The following CMC2 variants were observed in gnomAD, a reference collection of about 807,000 sequenced individuals.
CMC2 encodes COX assembly mitochondrial protein 2 homolog.
CMC2 carries 5 observed loss-of-function variants against 7.5 expected under a neutral mutation model. The ratio of observed to expected loss-of-function variants is 0.66; its 90% CI spans 0.35 to 1.40. The LOEUF (loss-of-function observed/expected upper bound fraction) is 1.40. CMC2 is among the 40% of genes most tolerant of loss of function. The pLI, the probability that CMC2 is intolerant of heterozygous loss-of-function variation, is 0.04. For missense variants in CMC2, 115 were observed against 92.3 expected (o/e 1.25, Z -1.01); for synonymous variants, 37 against 31.4 (o/e 1.18, Z -0.60).
rs945425992 is a variant in CMC2 at position 80,968,939 on chromosome 16, A to C, written c.*7154T>G. On this transcript the variant is annotated 3_prime_UTR_variant, in exon 4 of 4. Coordinates refer to ENST00000219400, the MANE Select transcript of CMC2 (RefSeq NM_020188.5). ...GTGTGAGAAACAAGAATATCACATA[A>C]AGCCAGGAGATGGTAATCCTCTAAG... 2 of 152,252 alleles carry C rather than the reference A, an allele frequency of 1.3e-5. No homozygotes were observed. Among genetic ancestry groups the C allele is most frequent in the Admixed American group, 6.5e-5 (1 of 15,288 alleles). The allele number at this position is 152,252 out of a possible 1,614,324, so 9.4% of individuals were successfully genotyped here. A position where few individuals can be genotyped will look rare whatever the true frequency, so the allele number is the denominator to read the frequency against.
At chr16:80,996,526 G>C (rs1460232767) in intron 2 of CMC2, among the ~76,000 whole-genome samples, 4 of 152,082 alleles carry the variant, frequency 2.6e-5, no homozygotes, top group African/African-American at 7.2e-5. Flanking sequence ...AACATTCTTT[G>C]AACCAGTAAA....
intron 2 of CMC2, among the ~76,000 whole-genome samples, chr16:80,986,337 GA>G (rs1334874072): frequency 6.6e-6 from 1 of 152,022 alleles, no homozygotes; most frequent in Non-Finnish European, 1.5e-5. Context: ...GCGACAGAGA[GA>G]AACTCTGCCT....
At chr16:81,001,677 G>A (rs1968879227) in intron 1 of CMC2, among the ~76,000 whole-genome samples, 1 of 151,936 alleles carries the variant, frequency 6.6e-6, no homozygotes, top group Non-Finnish European at 1.5e-5. Flanking sequence ...ACCTCAAGCT[G>A]TTAAAAAAAA....
chr16:80,977,273 C>G (rs1597208517), intron 3 of CMC2, among the ~76,000 whole-genome samples: 1 of 152,152 alleles, frequency 6.6e-6, no homozygotes, highest in African/African-American at 2.4e-5. Context: ...CAGGTTACAA[C>G]AGGAGACACA....
At chr16:81,005,520 G>C (rs975362432) in intron 1 of CMC2, among the ~76,000 whole-genome samples, 20 of 151,820 alleles carry the variant, frequency 1.3e-4, no homozygotes, top group African/African-American at 4.4e-4. Flanking sequence ...TTCAAGCTAT[G>C]AGCCATACTG....
intron 1 of CMC2, among the ~76,000 whole-genome samples, chr16:81,004,583 T>C (rs1025815543): frequency 2.0e-5 from 3 of 152,188 alleles, no homozygotes; most frequent in African/African-American, 4.8e-5. Flanking sequence ...ACCAAAACAG[T>C]CCACTGAAAT....
chr16:80,980,114 C>A (rs1475289722), intron 3 of CMC2, among the ~76,000 whole-genome samples: 1 of 151,864 alleles, frequency 6.6e-6, no homozygotes, highest in Non-Finnish European at 1.5e-5. Flanking sequence ...GAGACAGGGT[C>A]TCACTATGTT....
At chr16:80,981,311 T>C (rs906755727) in intron 3 of CMC2, among the ~76,000 whole-genome samples, 1 of 152,126 alleles carries the variant, frequency 6.6e-6, no homozygotes, top group Non-Finnish European at 1.5e-5. Flanking sequence ...TGCCCTAAAA[T>C]CAAGTTCAGG....
intron 2 of CMC2, among the ~76,000 whole-genome samples, chr16:80,989,446 C>T (rs999003689): frequency 2.0e-5 from 3 of 152,080 alleles, no homozygotes; most frequent in Admixed American, 2.0e-4. Flanking sequence ...AGTGGGAATC[C>T]CTTCAAGCTA....
At chr16:80,995,395 C>T (rs550790110) in intron 2 of CMC2, among the ~76,000 whole-genome samples, 20 of 152,236 alleles carry the variant, frequency 1.3e-4, no homozygotes, top group African/African-American at 4.6e-4. Flanking sequence ...GTGGCTCATG[C>T]CTGTAATCCC....
rs1911556025 is a variant in CMC2, at chr16:80,966,460, T to C, written c.*9633A>G. 1 of 152,208 alleles carries C rather than the reference T, an allele frequency of 6.6e-6. No individual in the cohort carries two copies. Among genetic ancestry groups the C allele is most frequent in the Non-Finnish European group, 1.5e-5 (1 of 68,022 alleles). 9.4% of individuals were successfully genotyped at this position (152,208 alleles called of 1,614,324 possible). The stretch of plus-strand genomic sequence containing the variant: ...AATGAATTCAAAGTACTATTTCCAA[T>C]TCAAATTTAATGCATGTTTTGACTT... On this transcript the variant is annotated 3_prime_UTR_variant, in exon 4 of 4. Transcript: ENST00000219400.
At chr16:80,981,615 A>C (rs946736833) in intron 3 of CMC2, among the ~76,000 whole-genome samples, 191 bp downstream of exon 3, 6 of 152,232 alleles carry the variant, frequency 3.9e-5, no homozygotes, top group Non-Finnish European at 7.3e-5. Context: ...CATGGCCAAA[A>C]AGCCATGTTC....
chr16:80,997,315 T>TAAAA lies in CMC2; in HGVS notation c.79_80insTTTT (p.Asn27IlefsTer13). 1 of 936,730 alleles carries TAAAA rather than the reference T, an allele frequency of 1.1e-6. No homozygotes were observed. The highest frequency in any genetic ancestry group is 1.6e-6 in the Non-Finnish European group (1 of 607,550). 58.0% of individuals were successfully genotyped at this position (936,730 alleles called of 1,614,324 possible). ...ACAGTCGTTTTTCTGAACTCTTACA[T>TAAAA]TTTTGTGACATTCCTTAAGCAAGTT... On this transcript the variant is annotated frameshift_variant and splice_region_variant, in exon 2 of 4. Transcript: ENST00000219400. LOFTEE classifies it high-confidence loss of function.
intron 1 of CMC2, 31 bp downstream of exon 1, chr16:81,006,703 G>C (rs921899141): frequency 1.0e-6 from 1 of 985,222 alleles, no homozygotes; most frequent in African/African-American, 1.7e-5. Context: ...AACGGAACGC[G>C]TTCGGAACGG....
At chr16:80,996,865 C>T in intron 2 of CMC2, 1 of 257,754 alleles carries the variant, frequency 3.9e-6, no homozygotes, top group South Asian at 3.8e-5. Flanking sequence ...CTAAACACAT[C>T]AGATTAAGCC....
intron 2 of CMC2, chr16:80,991,785 C>T (rs1302617056): frequency 8.4e-6 from 3 of 357,966 alleles, no homozygotes; most frequent in Non-Finnish European, 1.7e-5. Flanking sequence ...ACACATGATC[C>T]CAATCCAATT....
In CMC2 at chr16:80,982,957, T is replaced by C. The variant is rs115345666; in HGVS notation, c.82-1080A>G. 8.7e-3 allele frequency: 1,612 copies of C among 184,746 alleles called. 24 individuals are homozygous for C. The highest frequency in any genetic ancestry group is 0.035 in the African/African-American group (1,488 of 42,092). 11.4% of individuals were successfully genotyped at this position (184,746 alleles called of 1,614,324 possible). A position where few individuals can be genotyped will look rare whatever the true frequency, so the allele number is the denominator to read the frequency against. ...AAAGTAATGACATTACAGGAAAAAG[T>C]TGAACTACTTGAAATGTACTGTAGA... On this transcript the variant is annotated intron_variant, in intron 2 of 3. Coordinates refer to ENST00000219400, the MANE Select transcript of CMC2 (RefSeq NM_020188.5).
At position 80,968,167 on chromosome 16, in the gene CMC2, G is replaced by C. The variant is rs1412657932; in HGVS notation, c.*7926C>G. The C allele has an allele frequency of 6.6e-6, 1 of 152,064 alleles. No individual in the cohort carries two copies. The highest frequency in any genetic ancestry group is 2.1e-4 in the South Asian group (1 of 4,816). 9.4% of individuals were successfully genotyped at this position (152,064 alleles called of 1,614,324 possible). On this transcript the variant is annotated 3_prime_UTR_variant, in exon 4 of 4. Coordinates refer to ENST00000219400, the MANE Select transcript of CMC2 (RefSeq NM_020188.5). ...TTTTATATGCATGCAAATCATCTGG[G>C]GATTTCATTAAAATGCAGATTCTCA...
chr16:80,995,774 G>A (rs774838941), intron 2 of CMC2, among the ~76,000 whole-genome samples: 2 of 152,122 alleles, frequency 1.3e-5, no homozygotes, highest in Non-Finnish European at 2.9e-5. Flanking sequence ...TAAGTTAAGG[G>A]TTGGGGACTC....
Sources: allele counts gnomAD v4.1 joint callset (sites outside exome capture counted in the v4.1 genomes callset), GRCh38; gene constraint gnomAD v4.1.1; transcripts MANE v1.5; gene names NCBI Gene and HGNC (gene_info 2026-07-23, HGNC 2026-07-21).